Variants in NARS2 observed in about 807,000 individuals in gnomAD.
NARS2 encodes asparaginyl-tRNA synthetase 2, mitochondrial, also known as asparaginyl-tRNA synthetase.
Under a neutral mutation model 62.9 loss-of-function variants are expected in NARS2, and 60 were observed. That is an observed-to-expected ratio of 0.95 (90% CI 0.77 to 1.18). The LOEUF (loss-of-function observed/expected upper bound fraction) is 1.18. Ranked by LOEUF, NARS2 falls within the 50% of genes most tolerant of loss-of-function variation. The probability of loss-of-function intolerance (pLI) is 0.00; values close to 1 mark genes in which losing one functional copy is unlikely to be tolerated. For synonymous variants in NARS2, 196 were observed against 200.0 expected, an observed-to-expected ratio of 0.98 and a Z score of 0.17; for missense variants, 619 against 576.4, an observed-to-expected ratio of 1.07 and a Z score of -0.76.
At chr11:78,468,199 T>C (rs1342950505) in intron 10 of NARS2, among the ~76,000 whole-genome samples, 4 of 147,260 alleles carry the variant, frequency 2.7e-5, no homozygotes, top group Non-Finnish European at 5.9e-5. Context: ...TAAAGTTCTT[T>C]AAAAGCAAAA....
chr11:78,456,561 C>T (rs1197236891), intron 11 of NARS2, among the ~76,000 whole-genome samples: 1 of 152,156 alleles, frequency 6.6e-6, no homozygotes, highest in African/African-American at 2.4e-5. Flanking sequence ...ATTGCACACC[C>T]CTTGGCTGAG....
chr11:78,530,496 C>CA (rs758288197), intron 5 of NARS2, among the ~76,000 whole-genome samples: 4 of 152,080 alleles, frequency 2.6e-5, no homozygotes, highest in Non-Finnish European at 5.9e-5. Flanking sequence ...ATTTTTGAGA[C>CA]AGAGTCTCAC....
chr11:78,441,381 A>C (rs1857572422), intron 12 of NARS2, among the ~76,000 whole-genome samples: 1 of 152,192 alleles, frequency 6.6e-6, no homozygotes, highest in South Asian at 2.1e-4. Context: ...GAAGGGATTC[A>C]CCTGAGATGA....
chr11:78,559,301 C>CAAAAAAAAA lies in NARS2; in HGVS notation c.594+229_594+237dup, dbSNP rs10627726. ...CTGGCCACAGAGTGAGACTCCATCTCAAAAAAAAAAAAAAAAAAAAAAAAA... is the reference window on the plus strand; with the variant it reads ...CTGGCCACAGAGTGAGACTCCATCTCAAAAAAAAAAAAAAAAAAAAAAAAAAAAAAAAAA... On this transcript the variant is annotated intron_variant, in intron 5 of 13. Transcript: ENST00000281038. Among the ~76,000 whole-genome samples the CAAAAAAAAA allele has an allele frequency of 2.9e-4, 17 of 58,446 alleles. 2 individuals are homozygous for CAAAAAAAAA. Among genetic ancestry groups the CAAAAAAAAA allele is most frequent in the African/African-American group, 1.4e-3 (17 of 12,398 alleles). The allele number at this position is 58,446 out of a possible 152,430, so 38.3% of individuals were successfully genotyped here.
chr11:78,499,889 T>C (rs1380736840), intron 6 of NARS2, among the ~76,000 whole-genome samples: 1 of 152,184 alleles, frequency 6.6e-6, no homozygotes, highest in Non-Finnish European at 1.5e-5. Flanking sequence ...TATGTCTCAA[T>C]AAGACACTAA....
chr11:78,459,789 C>CA (rs1858320475), intron 11 of NARS2, among the ~76,000 whole-genome samples: 1 of 146,460 alleles, frequency 6.8e-6, no homozygotes, highest in South Asian at 2.1e-4. Context: ...CGTCTTTTGA[C>CA]ATAGAGGAAA....
At chr11:78,487,044 C>T (rs1427520605) in intron 7 of NARS2, among the ~76,000 whole-genome samples, 1 of 151,842 alleles carries the variant, frequency 6.6e-6, no homozygotes, top group Non-Finnish European at 1.5e-5. Flanking sequence ...GAAATGCCCC[C>T]AATTCTGAAT....
chr11:78,468,247 T>C (rs11604969), intron 10 of NARS2, among the ~76,000 whole-genome samples: 37,617 of 122,878 alleles, frequency 0.31, 5,611 homozygotes, highest in East Asian at 0.45. Context: ...GAGTGGCTCA[T>C]AAACTAAAAG....
chr11:78,504,315 C>T (rs1396369920), intron 6 of NARS2, among the ~76,000 whole-genome samples: 1 of 152,120 alleles, frequency 6.6e-6, no homozygotes. Flanking sequence ...ATGCTAAATC[C>T]ACCTCTTAAA....
At chr11:78,566,849 A>G (rs1169877378) in intron 3 of NARS2, among the ~76,000 whole-genome samples, 2 of 152,206 alleles carry the variant, frequency 1.3e-5, no homozygotes, top group Non-Finnish European at 2.9e-5. Context: ...GCTCACATTC[A>G]TGTTACAAGA....
chr11:78,463,730 A>AAG (rs1410906608), intron 11 of NARS2, among the ~76,000 whole-genome samples: 1 of 150,292 alleles, frequency 6.7e-6, no homozygotes, highest in African/African-American at 2.4e-5. Context: ...AAAAAAAAAA[A>AAG]AAAAAAACCA....
chr11:78,488,262 G>A (rs572503783), intron 7 of NARS2, among the ~76,000 whole-genome samples: 1 of 151,470 alleles, frequency 6.6e-6, no homozygotes, highest in Non-Finnish European at 1.5e-5. Context: ...AACTGTGTAT[G>A]TGTGATTAAG....
chr11:78,445,224 T>C (rs1017447296), intron 11 of NARS2, among the ~76,000 whole-genome samples: 2 of 152,202 alleles, frequency 1.3e-5, no homozygotes, highest in Non-Finnish European at 2.9e-5. Flanking sequence ...AAAAAACTCT[T>C]AGTAAGGGAA....
intron 10 of NARS2, 119 bp from the exon 11 acceptor site, chr11:78,466,132 G>T: frequency 9.8e-7 from 1 of 1,015,762 alleles, no homozygotes; most frequent in Non-Finnish European, 1.4e-6. Flanking sequence ...TCCATGTGTG[G>T]AGCTAGCTGC....
At chr11:78,532,351 GAATGA>G (rs1861511004) in intron 5 of NARS2, among the ~76,000 whole-genome samples, 1 of 152,072 alleles carries the variant, frequency 6.6e-6, no homozygotes, top group African/African-American at 2.4e-5. Flanking sequence ...GACAGATTAT[GAATGA>G]AATATTTGCA....
intron 6 of NARS2, among the ~76,000 whole-genome samples, chr11:78,521,700 G>C (rs1410002390): frequency 6.9e-6 from 1 of 145,196 alleles, no homozygotes; most frequent in Admixed American, 7.2e-5. Flanking sequence ...TGAGGCAGGA[G>C]AATGGCGTGA....
intron 5 of NARS2, among the ~76,000 whole-genome samples, chr11:78,555,011 T>C (rs1431482669): frequency 6.6e-6 from 1 of 152,192 alleles, no homozygotes; most frequent in Non-Finnish European, 1.5e-5. Context: ...TCTGCATTAG[T>C]TCTATTTATG....
chr11:78,552,768 G>A (rs560105131), intron 5 of NARS2, among the ~76,000 whole-genome samples: 15 of 152,200 alleles, frequency 9.9e-5, no homozygotes, highest in African/African-American at 3.4e-4. Flanking sequence ...GATGTCTCAT[G>A]TCTCCCTAAA....
intron 6 of NARS2, among the ~76,000 whole-genome samples, chr11:78,496,054 TCTGA>T (rs1860043445): frequency 6.6e-6 from 1 of 152,164 alleles, no homozygotes; most frequent in African/African-American, 2.4e-5. Context: ...AGGATCAGGC[TCTGA>T]CTGAGGTATC....
Sources: allele counts gnomAD v4.1 joint callset (sites outside exome capture counted in the v4.1 genomes callset), GRCh38; gene constraint gnomAD v4.1.1; transcripts MANE v1.5; gene names NCBI Gene and HGNC (gene_info 2026-07-23, HGNC 2026-07-21).